PPP3CA: variants seen among roughly 807,000 people sequenced by gnomAD.
PPP3CA encodes protein phosphatase 3 catalytic subunit alpha.
In PPP3CA, 14 loss-of-function variants were observed where a neutral mutation model predicts 66.5. That is an observed-to-expected ratio of 0.21 (90% CI 0.14 to 0.33). The LOEUF is 0.33. PPP3CA is among the 10% of genes least tolerant of loss of function. The pLI is 1.00. For synonymous variants in PPP3CA, 232 were observed against 226.2 expected (o/e 1.03, Z -0.23); for missense variants, 317 against 639.5 (o/e 0.50, Z 5.44).
chr4:101,303,823 A>C (rs190670255), intron 1 of PPP3CA, among the ~76,000 whole-genome samples: 11 of 152,260 alleles, frequency 7.2e-5, no homozygotes, highest in Non-Finnish European at 1.6e-4. Context: ...AAGTCCTCTT[A>C]AGTGCACCAA....
intron 11 of PPP3CA, among the ~76,000 whole-genome samples, chr4:101,039,304 G>GTTCT (rs1393158517): frequency 2.1e-5 from 3 of 144,944 alleles, no homozygotes; most frequent in Admixed American, 2.1e-4. Flanking sequence ...ACTAAAAGAA[G>GTTCT]TTCTTTATCT....
intron 10 of PPP3CA, among the ~76,000 whole-genome samples, chr4:101,056,850 A>C (rs1031979705): frequency 9.9e-5 from 15 of 152,052 alleles, no homozygotes; most frequent in African/African-American, 3.6e-4. Flanking sequence ...AAAAAAAAAA[A>C]AACAACTCAC....
At chr4:101,197,264 T>G (rs889128912) in intron 1 of PPP3CA, among the ~76,000 whole-genome samples, 1 of 152,226 alleles carries the variant, frequency 6.6e-6, no homozygotes, top group African/African-American at 2.4e-5. Context: ...AGGAGACCTA[T>G]GCCAAAAAAT....
At chr4:101,333,411 C>A (rs1314219092) in intron 1 of PPP3CA, among the ~76,000 whole-genome samples, 1 of 150,354 alleles carries the variant, frequency 6.7e-6, no homozygotes, top group African/African-American at 2.4e-5. Context: ...CAGGCATGAG[C>A]CACTGCACCC....
At chr4:101,031,751 G>A (rs1274143322) in intron 12 of PPP3CA, among the ~76,000 whole-genome samples, 2 of 152,134 alleles carry the variant, frequency 1.3e-5, no homozygotes, top group Non-Finnish European at 2.9e-5. Context: ...GTTCTATTCA[G>A]TCTCTTGTTT....
chr4:101,072,935 C>CAAA (rs71596318), intron 8 of PPP3CA, among the ~76,000 whole-genome samples: 6 of 59,238 alleles, frequency 1.0e-4, no homozygotes, highest in African/African-American at 3.2e-4. Flanking sequence ...GACTCCTTCT[C>CAAA]AAAAAAAAAA....
At chr4:101,178,128 G>A (rs1294147892) in intron 2 of PPP3CA, among the ~76,000 whole-genome samples, 2 of 152,074 alleles carry the variant, frequency 1.3e-5, no homozygotes, top group Non-Finnish European at 2.9e-5. Flanking sequence ...AAGTTTAAAT[G>A]AGGAGCATGT....
intron 2 of PPP3CA, among the ~76,000 whole-genome samples, chr4:101,177,211 T>C (rs906391213): frequency 9.2e-5 from 14 of 152,132 alleles, no homozygotes; most frequent in Non-Finnish European, 1.6e-4. Flanking sequence ...AGGTTATCTC[T>C]TACTTTGACA....
chr4:101,046,317 G>A (rs929034956), intron 10 of PPP3CA, among the ~76,000 whole-genome samples: 4 of 152,066 alleles, frequency 2.6e-5, no homozygotes, highest in African/African-American at 4.8e-5. Flanking sequence ...ACGTTAGAAT[G>A]TGAAAAAGCT....
At chr4:101,343,332 G>A (rs754459859) in intron 1 of PPP3CA, among the ~76,000 whole-genome samples, 7 of 152,032 alleles carry the variant, frequency 4.6e-5, no homozygotes, top group Non-Finnish European at 1.0e-4. Context: ...TGACCAATAG[G>A]GAATGCTAGG....
intron 1 of PPP3CA, among the ~76,000 whole-genome samples, chr4:101,225,958 T>C (rs1269833168): frequency 6.6e-6 from 1 of 151,786 alleles, no homozygotes; most frequent in Non-Finnish European, 1.5e-5. Flanking sequence ...ACAAAACCTG[T>C]ATTTCCTTTT....
chr4:101,179,792 C>G (rs7662565), intron 2 of PPP3CA, among the ~76,000 whole-genome samples: 7,209 of 152,144 alleles, frequency 0.047, 586 homozygotes, highest in African/African-American at 0.16. Context: ...TCTTCCATGT[C>G]TAGAAGAAAT....
intron 2 of PPP3CA, among the ~76,000 whole-genome samples, chr4:101,118,071 C>G (rs551358653): frequency 6.6e-6 from 1 of 152,138 alleles, no homozygotes; most frequent in South Asian, 2.1e-4. Flanking sequence ...GGGTGTTCGG[C>G]TGTCTTAGTG....
chr4:101,147,894 A>G (rs1224463503), intron 2 of PPP3CA, among the ~76,000 whole-genome samples: 1 of 152,198 alleles, frequency 6.6e-6, no homozygotes. Context: ...GTGTCTAGTT[A>G]TTATGAGGGA....
rs550284516 is a variant in PPP3CA at position 101,292,052 on chromosome 4, G to A, written c.58+54687C>T. The stretch of plus-strand genomic sequence containing the variant: ...TGAAGTGGGAGGATCACCTGAGCCC[G>A]GGGAGTTCGAGGCTGCACTGAGCCC... On this transcript the variant is annotated intron_variant, in intron 1 of 13. Coordinates refer to ENST00000394854, the MANE Select transcript of PPP3CA (RefSeq NM_000944.5). Among the ~76,000 whole-genome samples, 70 of 150,542 alleles carry A rather than the reference G, an allele frequency of 4.6e-4. No homozygotes were observed. The South Asian group carries it at 0.014, about 29-fold the overall frequency.
chr4:101,095,049 A>G (rs577914808), intron 5 of PPP3CA, among the ~76,000 whole-genome samples: 2 of 152,130 alleles, frequency 1.3e-5, no homozygotes, highest in Admixed American at 1.3e-4. Flanking sequence ...ATTAGTATCT[A>G]TAGAGAATGA....
chr4:101,260,877 T>A (rs1447250909), intron 1 of PPP3CA, among the ~76,000 whole-genome samples: 1 of 152,106 alleles, frequency 6.6e-6, no homozygotes, highest in African/African-American at 2.4e-5. Flanking sequence ...TAGAAGGAAG[T>A]TCCACTAAAG....
intron 2 of PPP3CA, among the ~76,000 whole-genome samples, chr4:101,168,031 G>A (rs1479705638): frequency 2.0e-5 from 3 of 152,126 alleles, no homozygotes; most frequent in Non-Finnish European, 4.4e-5. Context: ...TGTTTTACCA[G>A]CATCACACTG....
At chr4:101,107,719 T>C (rs981317767) in intron 3 of PPP3CA, among the ~76,000 whole-genome samples, 1 of 152,222 alleles carries the variant, frequency 6.6e-6, no homozygotes, top group Non-Finnish European at 1.5e-5. Context: ...ACAAAAGCTG[T>C]TTAAGGATGA....
Sources: allele counts gnomAD v4.1 joint callset (sites outside exome capture counted in the v4.1 genomes callset), GRCh38; gene constraint gnomAD v4.1.1; transcripts MANE v1.5; gene names NCBI Gene and HGNC (gene_info 2026-07-23, HGNC 2026-07-21).